The following NUGGC variants were observed in gnomAD, a reference collection of about 807,000 sequenced individuals.
The protein encoded by NUGGC is nuclear GTPase, germinal center associated, also known as nuclear GTPase SLIP-GC.
NUGGC carries 58 observed loss-of-function variants against 92.6 expected under a neutral mutation model. The observed-to-expected ratio is 0.63, with a 90% CI of 0.51 to 0.78. The LOEUF is 0.78. NUGGC is among the 30% of genes least tolerant of loss of function. The pLI is 0.00. For missense variants in NUGGC, 925 were observed against 964.6 expected (o/e 0.96, Z 0.54); for synonymous variants, 376 against 366.4 (o/e 1.03, Z -0.30).
intron 10 of NUGGC, among the ~76,000 whole-genome samples, chr8:28,052,500 A>T (rs1810032290): frequency 6.6e-6 from 1 of 152,186 alleles, no homozygotes. Context: ...GGAAATTTGG[A>T]TACAGAGACA....
intron 18 of NUGGC, among the ~76,000 whole-genome samples, chr8:28,026,322 G>GA (rs1426527162): frequency 6.6e-6 from 1 of 152,212 alleles, no homozygotes; most frequent in Non-Finnish European, 1.5e-5. Flanking sequence ...AATTTGGCTA[G>GA]AAATTACTTA....
At chr8:28,049,692 C>T (rs1051292550) in intron 10 of NUGGC, among the ~76,000 whole-genome samples, 20 of 152,288 alleles carry the variant, frequency 1.3e-4, no homozygotes, top group African/African-American at 4.6e-4. Flanking sequence ...ACACACTGTT[C>T]TAATTTAAAC....
chr8:28,037,613 GACA>G (rs1809588445), intron 13 of NUGGC, among the ~76,000 whole-genome samples: 2 of 152,216 alleles, frequency 1.3e-5, no homozygotes, highest in South Asian at 4.2e-4. Flanking sequence ...TCCAGGATGG[GACA>G]CACACACAGG....
chr8:28,064,809 C>T (rs1810396980), intron 6 of NUGGC, 78 bp from the exon 7 acceptor site: 2 of 1,233,396 alleles, frequency 1.6e-6, no homozygotes, highest in Admixed American at 1.8e-5. Flanking sequence ...GATGCAGGTT[C>T]ATGGTAAGTA....
chr8:28,077,143 A>C (rs945558954), intron 1 of NUGGC, among the ~76,000 whole-genome samples: 2 of 152,174 alleles, frequency 1.3e-5, no homozygotes, highest in Admixed American at 6.5e-5. Context: ...CAAGAGGCAC[A>C]AGCAATTTCT....
rs76135253 is a variant in NUGGC, at chr8:28,064,419, T to G, written c.921+103A>C. On this transcript the variant is annotated intron_variant, in intron 7 of 18. Coordinates refer to ENST00000413272, the MANE Select transcript of NUGGC (RefSeq NM_001010906.2). The stretch of plus-strand genomic sequence containing the variant: ...AGAAATTAAAAGAATTTAATTCCAA[T>G]GAACTCAAAATCCCTGAAGCTGAAA... 2,151 of 968,596 alleles carry G rather than the reference T, an allele frequency of 2.2e-3. 30 individuals carry two copies. The African/African-American group carries it at 0.032, about 14-fold the overall frequency. The allele number at this position is 968,596 out of a possible 1,614,324, so 60.0% of individuals were successfully genotyped here.
At chr8:28,049,068 A>G (rs559782472) in intron 10 of NUGGC, among the ~76,000 whole-genome samples, 76 of 152,278 alleles carry the variant, frequency 5.0e-4, no homozygotes, top group African/African-American at 1.8e-3. Context: ...TGAGGGAGGT[A>G]GAAAGCAGTG....
chr8:28,064,799 G>C (rs952502768), intron 6 of NUGGC, 68 bp from the exon 7 acceptor site: 30 of 1,354,106 alleles, frequency 2.2e-5, no homozygotes, highest in Non-Finnish European at 3.0e-5. Context: ...GGTTGGCTGT[G>C]ATGCAGGTTC....
At chr8:28,032,351 C>T (rs941099882) in intron 14 of NUGGC, among the ~76,000 whole-genome samples, 18 of 152,084 alleles carry the variant, frequency 1.2e-4, no homozygotes, top group African/African-American at 3.9e-4. Context: ...CGTGAAATGC[C>T]AGCGGGAAGG....
At chr8:28,027,599 C>T (rs1364117552) in intron 17 of NUGGC, among the ~76,000 whole-genome samples, 1 of 152,146 alleles carries the variant, frequency 6.6e-6, no homozygotes, top group Non-Finnish European at 1.5e-5. Flanking sequence ...GTTTCTGCCT[C>T]CCTTTGAAAA....
rs1244256024 is a variant in NUGGC at position 28,031,295 on chromosome 8, A to G, written c.1856T>C (p.Ile619Thr). The G allele has an allele frequency of 3.1e-6, 5 of 1,613,908 alleles. No individual in the cohort carries two copies. Among genetic ancestry groups the G allele is most frequent in the South Asian group, 1.1e-5 (1 of 91,086 alleles). ...SLQEKMTEIG[I>T]RSGWKYDSCK... The stretch of plus-strand genomic sequence containing the variant: ...GCTATCATATTTCCAGCCACTTCTT[A>G]TCCCAATTTCTGTCATTTTCTCCTG... Residue 619 changes from isoleucine (I) to threonine (T), a missense_variant, in exon 15 of 19, where the codon ATA becomes ACA. Coordinates refer to ENST00000413272, the MANE Select transcript of NUGGC (RefSeq NM_001010906.2).
Position 28,031,282 on chromosome 8 carries a change from C to A in NUGGC, c.1869G>T (p.Trp623Cys), listed in dbSNP as rs756794412. ...AATTTTTTTTGCAGCTATCATATTT[C>A]CAGCCACTTCTTATCCCAATTTCTG... is the stretch of plus-strand genomic sequence containing the variant. The part of the protein sequence containing the change: ...KMTEIGIRSG[W>C]KYDSCKKNFL... Residue 623 changes from tryptophan (W) to cysteine (C), a missense_variant, in exon 15 of 19, where the codon TGG (tryptophan) becomes TGT (cysteine). Trp to Cys is a radical substitution (Grantham distance 215). Transcript: ENST00000413272. 29 of 1,613,898 alleles carry A rather than the reference C, an allele frequency of 1.8e-5. No homozygotes were observed. Among genetic ancestry groups the A allele is most frequent in the Non-Finnish European group, 2.5e-5 (29 of 1,179,876 alleles).
At chr8:28,078,220 T>C (rs983644905) in intron 1 of NUGGC, among the ~76,000 whole-genome samples, 27 of 152,348 alleles carry the variant, frequency 1.8e-4, no homozygotes, top group African/African-American at 6.5e-4. Flanking sequence ...GGTTTGGTTG[T>C]GGTGGATTGG....
Position 28,033,601 on chromosome 8 carries a change from T to G in NUGGC, c.1708A>C (p.Asn570His). The G allele has an allele frequency of 6.2e-7, 1 of 1,613,996 alleles. No individual in the cohort carries two copies. The highest frequency in any genetic ancestry group is 1.1e-5 in the South Asian group (1 of 91,066). ...TAGACGGGCTGAGTGAGGGCTTCAT[T>G]TAGATCAATTCTCGCCAGAGTCCTG... ...ASRTLARIDL[N>H]EALTQPVYDQ... Residue 570 changes from asparagine (N) to histidine (H), a missense_variant, in exon 14 of 19, where the codon AAT (asparagine) becomes CAT (histidine). Asn to His is a moderately conservative substitution (Grantham distance 68). Coordinates refer to ENST00000413272, the MANE Select transcript of NUGGC (RefSeq NM_001010906.2).
intron 5 of NUGGC, 148 bp downstream of exon 5, chr8:28,068,067 GA>G (rs1810487369): frequency 6.6e-6 from 4 of 608,738 alleles, no homozygotes; most frequent in Non-Finnish European, 5.8e-6. Context: ...AGAAAAGGAA[GA>G]AAAAAAGGAA....
chr8:28,076,049 A>G (rs1056807289), intron 1 of NUGGC, among the ~76,000 whole-genome samples: 1 of 152,104 alleles, frequency 6.6e-6, no homozygotes, highest in African/African-American at 2.4e-5. Context: ...ATTCCCACTC[A>G]TTCCCCCCGT....
At chr8:28,056,147 T>C in intron 9 of NUGGC, 93 bp from the exon 10 acceptor site, 1 of 712,364 alleles carries the variant, frequency 1.4e-6, no homozygotes, top group Non-Finnish European at 2.4e-6. Flanking sequence ...AGATTTTCAT[T>C]TGGTCCAAAC....
At chr8:28,055,693 C>T (rs1220286440) in intron 10 of NUGGC, among the ~76,000 whole-genome samples, 1 of 152,190 alleles carries the variant, frequency 6.6e-6, no homozygotes, top group African/African-American at 2.4e-5. Flanking sequence ...ATTAGCCAGA[C>T]ATGGCGGTGC....
chr8:28,068,448 T>C lies in NUGGC; in HGVS notation c.258-10A>G. ...GGCAAGAAGCCTATTTCTGGATGAA[T>C]TTTAAAATGCACATTGCCATGATCA... On this transcript the variant is annotated splice_polypyrimidine_tract_variant and intron_variant, in intron 4 of 18. Transcript: ENST00000413272. The C allele has an allele frequency of 6.6e-7, 1 of 1,522,884 alleles. No individual in the cohort carries two copies. Among genetic ancestry groups the C allele is most frequent in the Non-Finnish European group, 8.9e-7 (1 of 1,118,818 alleles). The allele number at this position is 1,522,884 out of a possible 1,614,324, so 94.3% of individuals were successfully genotyped here. A position where few individuals can be genotyped will look rare whatever the true frequency, so the allele number is the denominator to read the frequency against.
Sources: allele counts gnomAD v4.1 joint callset (sites outside exome capture counted in the v4.1 genomes callset), GRCh38; gene constraint gnomAD v4.1.1; transcripts MANE v1.5; gene names NCBI Gene and HGNC (gene_info 2026-07-23, HGNC 2026-07-21).